The following CACNA1S variants were observed in gnomAD, a reference collection of about 807,000 sequenced individuals.
The protein encoded by CACNA1S is voltage-dependent L-type calcium channel subunit alpha-1S.
CACNA1S carries 126 observed loss-of-function variants against 207.4 expected under a neutral mutation model. The observed-to-expected ratio is 0.61, with a 90% CI of 0.53 to 0.70. CACNA1S has a LOEUF of 0.70. Among genes scored for constraint, CACNA1S ranks in the 30% least tolerant of loss-of-function variants. The pLI, the probability that CACNA1S is intolerant of heterozygous loss-of-function variation, is 0.00. For missense variants in CACNA1S, 2,349 were observed against 2,422.8 expected (o/e 0.97, Z 0.64); for synonymous variants, 960 against 932.7 (o/e 1.03, Z -0.53).
intron 2 of CACNA1S, among the ~76,000 whole-genome samples, chr1:201,102,830 T>A (rs1274688341): frequency 6.6e-6 from 1 of 152,162 alleles, no homozygotes; most frequent in African/African-American, 2.4e-5. Flanking sequence ...CTGGGACACC[T>A]GGGTACATTT....
At chr1:201,071,058 A>G (rs1661423401) in intron 16 of CACNA1S, among the ~76,000 whole-genome samples, 2 of 152,148 alleles carry the variant, frequency 1.3e-5, no homozygotes, top group South Asian at 4.1e-4. Context: ...ACTGAGTCTC[A>G]TGACCTCAAG....
At position 201,092,245 on chromosome 1, in the gene CACNA1S, G is replaced by A. The variant is rs576328256; in HGVS notation, c.399-131C>T. On this transcript the variant is annotated intron_variant, in intron 3 of 43. Transcript: ENST00000362061. ...CCTAGGGGAGAGACGGCAAATACGGGTGCATCAACTAACAAATGATCTGAT... is the reference window on the plus strand; with the variant it reads ...CCTAGGGGAGAGACGGCAAATACGGATGCATCAACTAACAAATGATCTGAT... 1.6e-5 allele frequency: 14 copies of A among 858,724 alleles called. No homozygotes were observed. In the African/African-American group the frequency reaches 1.7e-4, roughly 10 times the overall value. 53.2% of individuals were successfully genotyped at this position (858,724 alleles called of 1,614,324 possible). A position where few individuals can be genotyped will look rare whatever the true frequency, so the allele number is the denominator to read the frequency against.
rs201012916 is a variant in CACNA1S, at chr1:201,093,986, C to T, written c.294G>A (p.Ser98=). The change falls in exon 3 of 44, where the codon TCG becomes TCA. Residue 98 remains serine (S), a synonymous_variant. Coordinates refer to ENST00000362061, the MANE Select transcript of CACNA1S (RefSeq NM_000069.3). The part of the protein sequence containing the change: ...KLEYFFLIVF[S]IEAAMKIIAY... ...CAATGATCTTCATGGCGGCTTCAAT[C>T]GAGAAGACAATGAGGAAGAAATACT... is the stretch of plus-strand genomic sequence containing the variant. 8 of 1,614,078 alleles carry T rather than the reference C, an allele frequency of 5.0e-6. No individual in the cohort carries two copies. The highest frequency in any genetic ancestry group is 1.7e-5 in the Admixed American group (1 of 60,004).
rs913781871 is a variant in CACNA1S at position 201,075,361 on chromosome 1, G to T, written c.1948+134C>A. The T allele has an allele frequency of 1.8e-4, 175 of 967,480 alleles. 2 individuals carry two copies. In the South Asian group the frequency reaches 2.4e-3, roughly 14 times the overall value. The allele number at this position is 967,480 out of a possible 1,614,324, so 59.9% of individuals were successfully genotyped here. A position where few individuals can be genotyped will look rare whatever the true frequency, so the allele number is the denominator to read the frequency against. Reference sequence around the variant, plus strand: ...CATTTGCTATGTCCTACCCCCTACCGCATGGGCCTGGGAGCTCCCCTCCAG... The same window carrying T: ...CATTTGCTATGTCCTACCCCCTACCTCATGGGCCTGGGAGCTCCCCTCCAG... On this transcript the variant is annotated intron_variant, in intron 13 of 43. Coordinates refer to ENST00000362061, the MANE Select transcript of CACNA1S (RefSeq NM_000069.3).
chr1:201,065,346 T>A (rs886073762), intron 22 of CACNA1S, among the ~76,000 whole-genome samples: 1 of 152,248 alleles, frequency 6.6e-6, no homozygotes, highest in Non-Finnish European at 1.5e-5. Flanking sequence ...CTATTAACCA[T>A]CATTGAAAGA....
Position 201,066,337 on chromosome 1 carries a change from G to C in CACNA1S, c.2658-21C>G. 6.3e-7 allele frequency: 1 copy of C among 1,599,864 alleles called. No individual in the cohort carries two copies. The highest frequency in any genetic ancestry group is 8.5e-7 in the Non-Finnish European group (1 of 1,174,252). Reference sequence around the variant, plus strand: ...TGGACCTGGGGGGCGGCAATGGTGAGGGGGCTGAGGGCAGCCTGCTCCAGC... The same window carrying C: ...TGGACCTGGGGGGCGGCAATGGTGACGGGGCTGAGGGCAGCCTGCTCCAGC... On this transcript the variant is annotated intron_variant, in intron 20 of 43. Coordinates refer to ENST00000362061, the MANE Select transcript of CACNA1S (RefSeq NM_000069.3). The surrounding 1 kb of genome is among the most constrained non-coding windows in gnomAD (Gnocchi z 4.3).
intron 2 of CACNA1S, among the ~76,000 whole-genome samples, chr1:201,094,736 G>A (rs1662355591): frequency 6.6e-6 from 1 of 152,108 alleles, no homozygotes; most frequent in Admixed American, 6.5e-5. Context: ...ACACTATTAC[G>A]CAGGGTGAGT....
chr1:201,112,141 C>G (rs1469796923), intron 1 of CACNA1S, 47 bp downstream of exon 1: 33 of 1,577,686 alleles, frequency 2.1e-5, no homozygotes, highest in Non-Finnish European at 2.9e-5. Flanking sequence ...CCGAATCCCT[C>G]CCTCATGACG....
intron 2 of CACNA1S, among the ~76,000 whole-genome samples, chr1:201,096,208 A>G (rs1408929991): frequency 6.6e-6 from 1 of 152,126 alleles, no homozygotes; most frequent in East Asian, 1.9e-4. Flanking sequence ...TCAGCCTGTT[A>G]GCTCCAAGGC....
intron 16 of CACNA1S, 31 bp downstream of exon 16, chr1:201,072,724 C>A (rs763348514): frequency 2.5e-6 from 4 of 1,580,632 alleles, no homozygotes; most frequent in Middle Eastern, 1.7e-4. Context: ...ACCCCAGCAC[C>A]CTGCTCCAGT....
At chr1:201,051,358 G>A (rs1250696749) in intron 32 of CACNA1S, among the ~76,000 whole-genome samples, 3 of 152,158 alleles carry the variant, frequency 2.0e-5, no homozygotes, top group Admixed American at 6.5e-5. Context: ...GTTACAAGCA[G>A]GAGCTAAACT....
chr1:201,062,227 C>A, intron 23 of CACNA1S, 137 bp from the exon 24 acceptor site: 1 of 1,166,436 alleles, frequency 8.6e-7, no homozygotes, highest in South Asian at 1.3e-5. Flanking sequence ...CACCGCTGGG[C>A]GAGTCCGAGG....
rs1661588134 is a variant in CACNA1S at position 201,075,689 on chromosome 1, G to A, written c.1828-74C>T. The A allele has an allele frequency of 1.4e-5, 21 of 1,515,154 alleles. No individual in the cohort carries two copies. In the South Asian group the frequency reaches 1.7e-4, roughly 12 times the overall value. 93.9% of individuals were successfully genotyped at this position (1,515,154 alleles called of 1,614,324 possible). The stretch of plus-strand genomic sequence containing the variant: ...GTCTTCTATTGGGACCGCATTGACC[G>A]AAGTTCTCCTCCAACTCTGTGGTTC... On this transcript the variant is annotated intron_variant, in intron 12 of 43. Transcript: ENST00000362061.
chr1:201,068,680 A>G (rs1345164978), intron 19 of CACNA1S, among the ~76,000 whole-genome samples: 9 of 151,792 alleles, frequency 5.9e-5, no homozygotes, highest in South Asian at 2.1e-4. Flanking sequence ...AGACCATCCC[A>G]GCCAACATGG....
chr1:201,074,142 G>T (rs747933157), intron 14 of CACNA1S, among the ~76,000 whole-genome samples: 1 of 150,934 alleles, frequency 6.6e-6, no homozygotes, highest in Non-Finnish European at 1.5e-5. Context: ...GGGCACCACC[G>T]GGGAGCCTGT....
chr1:201,093,950 G>A lies in CACNA1S; in HGVS notation c.330C>T (p.Phe110=), dbSNP rs1171908472. The A allele has an allele frequency of 1.9e-6, 3 of 1,614,078 alleles. No individual in the cohort carries two copies. Among genetic ancestry groups the A allele is most frequent in the Non-Finnish European group, 2.5e-6 (3 of 1,180,056 alleles). ...EAAMKIIAYG[F]LFHQDAYLRS... ...GCAGGTAAGCGTCCTGGTGGAATAA[G>A]AAGCCGTAGGCAATGATCTTCATGG... Residue 110 remains phenylalanine, a synonymous_variant, in exon 3 of 44, where the codon TTC becomes TTT. Coordinates refer to ENST00000362061, the MANE Select transcript of CACNA1S (RefSeq NM_000069.3).
At position 201,069,274 on chromosome 1, in the gene CACNA1S, G is replaced by T. The variant is rs943414047; in HGVS notation, c.2491-78C>A. ...GTATCAGCAGCAGCAGCAGCATAAA[G>T]CAGGCAGTCAGAGCCATTCTGTGCC... On this transcript the variant is annotated intron_variant, in intron 18 of 43. Transcript: ENST00000362061. 28 of 1,490,112 alleles carry T rather than the reference G, an allele frequency of 1.9e-5. No individual in the cohort carries two copies. In the Admixed American group the frequency reaches 2.0e-4, roughly 11 times the overall value. 92.3% of individuals were successfully genotyped at this position (1,490,112 alleles called of 1,614,324 possible).
chr1:201,096,396 G>C (rs1662435736), intron 2 of CACNA1S, among the ~76,000 whole-genome samples: 1 of 152,184 alleles, frequency 6.6e-6, no homozygotes, highest in African/African-American at 2.4e-5. Flanking sequence ...CACTGGGTTG[G>C]CTGACAGCCT....
At position 201,058,635 on chromosome 1, in the gene CACNA1S, C is replaced by G; in HGVS notation, c.3526-144G>C. On this transcript the variant is annotated intron_variant, in intron 27 of 43. Coordinates refer to ENST00000362061, the MANE Select transcript of CACNA1S (RefSeq NM_000069.3). ...GGGGTGCCCATGACTCCACCTCCCACTGGTGCTCCAGTGGGCTCCCCCAAC... is the reference window on the plus strand; with the variant it reads ...GGGGTGCCCATGACTCCACCTCCCAGTGGTGCTCCAGTGGGCTCCCCCAAC... 4.3e-6 allele frequency: 3 copies of G among 700,642 alleles called. No homozygotes were observed. The South Asian group carries it at 4.6e-5, about 11-fold the overall frequency. The allele number at this position is 700,642 out of a possible 1,614,324, so 43.4% of individuals were successfully genotyped here.
Sources: allele counts gnomAD v4.1 joint callset (sites outside exome capture counted in the v4.1 genomes callset), GRCh38; gene constraint gnomAD v4.1.1; non-coding constraint Gnocchi (gnomAD v3.1); transcripts MANE v1.5; gene names NCBI Gene and HGNC (gene_info 2026-07-23, HGNC 2026-07-21).